The following CHD6 variants were observed in gnomAD, a reference collection of about 807,000 sequenced individuals.
CHD6 encodes ATP-dependent chromatin remodeler CHD6.
CHD6 carries 50 observed loss-of-function variants against 276.9 expected under a neutral mutation model. The ratio of observed to expected loss-of-function variants is 0.18; its 90% CI spans 0.14 to 0.23. The LOEUF (loss-of-function observed/expected upper bound fraction) is 0.23. Among genes scored for constraint, CHD6 ranks in the 10% least tolerant of loss-of-function variants. CHD6 has a pLI of 1.00. For synonymous variants in CHD6, 1,173 were observed against 1,229.3 expected (o/e 0.95, Z 0.96); for missense variants, 2,564 against 3,365.8 (o/e 0.76, Z 5.89).
At position 41,512,894 on chromosome 20, in the gene CHD6, A is replaced by G. The variant is rs1180270428; in HGVS notation, c.804T>C (p.Ala268=). The change falls in exon 5 of 37, where the codon GCT becomes GCC. Residue 268 remains alanine (A), a synonymous_variant. Transcript: ENST00000373233. ...AGGCTGAGAGTGCAGATGTTCGACCAGCTCCAAGAACAGCAATTGTTTCCC... is the reference window on the plus strand; with the variant it reads ...AGGCTGAGAGTGCAGATGTTCGACCGGCTCCAAGAACAGCAATTGTTTCCC... ...DDGETIAVLG[A]GRTSALSAST... 1.9e-6 allele frequency: 3 copies of G among 1,613,952 alleles called. No homozygotes were observed. The highest frequency in any genetic ancestry group is 2.5e-6 in the Non-Finnish European group (3 of 1,179,958).
At chr20:41,609,838 CTTTTTTTTTCTTTTTTCTTTTT>C (rs1342106930) in intron 1 of CHD6, among the ~76,000 whole-genome samples, 2 of 146,470 alleles carry the variant, frequency 1.4e-5, no homozygotes, top group Non-Finnish European at 3.0e-5. Flanking sequence ...TCTGTGTTTC[CTTTTTTTTTCTTTTTTCTTTTT>C]TTTTTTTTTT....
chr20:41,434,920 T>G (rs1407623318), intron 27 of CHD6, among the ~76,000 whole-genome samples: 1 of 152,186 alleles, frequency 6.6e-6, no homozygotes, highest in African/African-American at 2.4e-5. Context: ...ACCAAAAGCA[T>G]GTTCTTTCCA....
chr20:41,470,481 G>A (rs1387201964), intron 17 of CHD6, among the ~76,000 whole-genome samples: 1 of 152,106 alleles, frequency 6.6e-6, no homozygotes, highest in Admixed American at 6.5e-5. Flanking sequence ...CTCAGTGCTG[G>A]TCTTCTTCGT....
Position 41,576,792 on chromosome 20 carries a change from C to T in CHD6, c.-23-25432G>A, listed in dbSNP as rs910888921. On this transcript the variant is annotated intron_variant, in intron 1 of 36. Coordinates refer to ENST00000373233, the MANE Select transcript of CHD6 (RefSeq NM_032221.5). ...TTTTCCATTTTATCCCTATCAATAA[C>T]ATCCAACTATTCAAACCATCAGATT... is the stretch of plus-strand genomic sequence containing the variant. 4.6e-5 allele frequency among the ~76,000 whole-genome samples: 7 copies of T among 152,212 alleles called. No homozygotes were observed. In the East Asian group the frequency reaches 1.3e-3, roughly 29 times the overall value.
chr20:41,434,451 A>C (rs1485841610), intron 27 of CHD6, among the ~76,000 whole-genome samples: 1 of 152,118 alleles, frequency 6.6e-6, no homozygotes, highest in Non-Finnish European at 1.5e-5. Context: ...GCTCGCTGCA[A>C]CCTCTGCCTC....
chr20:41,443,462 A>G (rs2047963180), intron 25 of CHD6, among the ~76,000 whole-genome samples: 1 of 152,196 alleles, frequency 6.6e-6, no homozygotes, highest in South Asian at 2.1e-4. Flanking sequence ...AGAATTATTA[A>G]TTATATCTTC....
intron 3 of CHD6, among the ~76,000 whole-genome samples, chr20:41,519,598 G>A (rs1239138048): frequency 6.6e-6 from 1 of 152,122 alleles, no homozygotes; most frequent in East Asian, 1.9e-4. Flanking sequence ...TTAATAAATG[G>A]TGCTGGGAAA....
chr20:41,609,564 C>T (rs531808260), intron 1 of CHD6, among the ~76,000 whole-genome samples: 22 of 152,316 alleles, frequency 1.4e-4, no homozygotes, highest in South Asian at 2.1e-4. Context: ...AAAACAGACA[C>T]TGCTGCATTA....
intron 27 of CHD6, among the ~76,000 whole-genome samples, chr20:41,436,393 G>A (rs551444144): frequency 1.8e-4 from 28 of 152,206 alleles, no homozygotes; most frequent in African/African-American, 6.0e-4. Flanking sequence ...CAGAGAAAGC[G>A]GATCTCTCAT....
At chr20:41,583,351 T>G (rs539550471) in intron 1 of CHD6, among the ~76,000 whole-genome samples, 1 of 152,034 alleles carries the variant, frequency 6.6e-6, no homozygotes, top group Non-Finnish European at 1.5e-5. Context: ...CTCATCAGAT[T>G]TTTTGCAATC....
intron 1 of CHD6, among the ~76,000 whole-genome samples, chr20:41,553,303 A>C (rs1368513561): frequency 6.6e-6 from 1 of 152,228 alleles, no homozygotes; most frequent in East Asian, 1.9e-4. Context: ...ATGAATCATA[A>C]GTGTTAGAAG....
At chr20:41,417,173 G>A (rs756358244) in intron 32 of CHD6, 25 bp downstream of exon 32, 7 of 1,598,312 alleles carry the variant, frequency 4.4e-6, no homozygotes, top group African/African-American at 4.0e-5. Context: ...TGGGGGTAGG[G>A]TGGGAAACGC....
chr20:41,564,487 C>G (rs1375871789), intron 1 of CHD6, among the ~76,000 whole-genome samples: 1 of 151,980 alleles, frequency 6.6e-6, no homozygotes, highest in East Asian at 1.9e-4. Context: ...ATTGTAGGAA[C>G]AAAAAACATA....
intron 16 of CHD6, among the ~76,000 whole-genome samples, chr20:41,478,940 G>A (rs1478465135): frequency 2.0e-5 from 3 of 152,188 alleles, no homozygotes; most frequent in Non-Finnish European, 4.4e-5. Flanking sequence ...GAACTTTAAA[G>A]CTGCTATTAT....
intron 27 of CHD6, among the ~76,000 whole-genome samples, chr20:41,435,556 A>G (rs1192212919): frequency 6.7e-6 from 1 of 149,822 alleles, no homozygotes; most frequent in African/African-American, 2.5e-5. Flanking sequence ...GTGAGCTATG[A>G]TTGCATCACC....
chr20:41,562,833 T>C (rs1222026759), intron 1 of CHD6, among the ~76,000 whole-genome samples: 1 of 148,310 alleles, frequency 6.7e-6, no homozygotes. Context: ...TATGGACTTA[T>C]CAATAGTGGG....
chr20:41,560,507 T>A (rs1379958450), intron 1 of CHD6, among the ~76,000 whole-genome samples: 1 of 152,212 alleles, frequency 6.6e-6, no homozygotes, highest in Non-Finnish European at 1.5e-5. Flanking sequence ...CTAAAGCAGC[T>A]GTATCACCAT....
At chr20:41,530,602 G>A (rs2044660790) in intron 3 of CHD6, among the ~76,000 whole-genome samples, 1 of 152,078 alleles carries the variant, frequency 6.6e-6, no homozygotes, top group Non-Finnish European at 1.5e-5. Flanking sequence ...CAATTAACAT[G>A]CTTCATATGT....
chr20:41,513,463 T>C (rs567216850), intron 4 of CHD6, among the ~76,000 whole-genome samples: 4 of 152,356 alleles, frequency 2.6e-5, no homozygotes, highest in Admixed American at 2.0e-4. Flanking sequence ...AAAAATGTAG[T>C]TTGAAAACTA....
Sources: gnomAD v4.1 joint callset for allele counts (sites outside exome capture counted in the v4.1 genomes callset) on GRCh38, gnomAD v4.1.1 for gene constraint, MANE v1.5 for transcripts, NCBI Gene and HGNC (gene_info 2026-07-23, HGNC 2026-07-21) for gene names.